The following SLC2A9 variants were observed in gnomAD, a reference collection of about 807,000 sequenced individuals.
The protein encoded by SLC2A9 is solute carrier family 2, facilitated glucose transporter member 9.
In SLC2A9, 39 loss-of-function variants were observed where a neutral mutation model predicts 50.6. The observed-to-expected ratio is 0.77, with a 90% CI of 0.60 to 1.01. SLC2A9 has a LOEUF of 1.01. Among genes scored for constraint, SLC2A9 ranks in the 50% least tolerant of loss-of-function variants. The probability of loss-of-function intolerance (pLI) is 0.00; values close to 1 mark genes in which losing one functional copy is unlikely to be tolerated. For synonymous variants in SLC2A9, 324 were observed against 276.9 expected (o/e 1.17, Z -1.69); for missense variants, 686 against 677.6 (o/e 1.01, Z -0.14).
chr4:10,035,851 G>A (rs1764089307), intron 1 of SLC2A9: 1 of 152,362 alleles, frequency 6.6e-6, no homozygotes, highest in Admixed American at 6.5e-5. Context: ...TCCTGCTCTT[G>A]AAGGTCAGAA....
At chr4:9,857,926 G>T (rs1560200229) in intron 10 of SLC2A9, among the ~76,000 whole-genome samples, 1 of 151,766 alleles carries the variant, frequency 6.6e-6, no homozygotes, top group Non-Finnish European at 1.5e-5. Context: ...AACTCCTATT[G>T]GTTTCTAATC....
chr4:9,964,090 T>C (rs1156511832), intron 5 of SLC2A9, among the ~76,000 whole-genome samples: 5 of 152,140 alleles, frequency 3.3e-5, no homozygotes, highest in Middle Eastern at 3.2e-3. Context: ...GAGTCAACAC[T>C]GAATATCGAG....
intron 7 of SLC2A9, among the ~76,000 whole-genome samples, chr4:9,915,093 G>A (rs529817376): frequency 6.6e-6 from 1 of 152,310 alleles, no homozygotes; most frequent in South Asian, 2.1e-4. Flanking sequence ...GCTCAGAGGG[G>A]TGAAGTGTCT....
chr4:9,996,529 C>A (rs899792301), intron 3 of SLC2A9, among the ~76,000 whole-genome samples: 1 of 152,212 alleles, frequency 6.6e-6, no homozygotes, highest in Admixed American at 6.5e-5. Context: ...GCTCCTCCCC[C>A]ATGTGGGTGC....
At position 9,783,352 on chromosome 4, in the gene SLC2A9, T is replaced by C. The variant is rs533730716; in HGVS notation, n.386-3287A>G. 5.3e-5 allele frequency: 85 copies of C among 1,614,228 alleles called. No individual in the cohort carries two copies. The South Asian group carries it at 9.3e-4, about 18-fold the overall frequency. On this transcript the variant is annotated intron_variant and non_coding_transcript_variant, in intron 3 of 3. Coordinates refer to the SLC2A9 transcript ENST00000503803. ...CTTTCGATCGCATGTTCCAGATCTA[T>C]CAGACGTCCCCAGATGGTGACCCTG...
Position 10,021,443 on chromosome 4 carries a change from C to T in SLC2A9, c.-14G>A. ...TTTCCTTGCCATGGGTCTCAGTGAC[C>T]CAGCTGATGGCTCAGTCCAGGGACC... On this transcript the variant is annotated 5_prime_UTR_variant, in exon 1 of 12. Coordinates refer to ENST00000264784, the MANE Select transcript of SLC2A9 (RefSeq NM_020041.3). 2 of 1,614,082 alleles carry T rather than the reference C, an allele frequency of 1.2e-6. No homozygotes were observed. Among genetic ancestry groups the T allele is most frequent in the Non-Finnish European group, 1.7e-6 (2 of 1,180,002 alleles).
chr4:9,912,111 A>C (rs562605625), intron 7 of SLC2A9, among the ~76,000 whole-genome samples: 167 of 152,120 alleles, frequency 1.1e-3, no homozygotes, highest in African/African-American at 3.9e-3. Context: ...GGACACAGGA[A>C]GGGGAATATC....
intron 3 of SLC2A9, among the ~76,000 whole-genome samples, chr4:9,786,773 A>T (rs1719271825): frequency 6.6e-6 from 1 of 152,232 alleles, no homozygotes; most frequent in African/African-American, 2.4e-5. Flanking sequence ...AGTGGTTCTT[A>T]AATGAGGGAA....
intron 5 of SLC2A9, among the ~76,000 whole-genome samples, chr4:9,966,645 G>A (rs1029751842): frequency 2.0e-5 from 3 of 152,146 alleles, no homozygotes; most frequent in Non-Finnish European, 4.4e-5. Flanking sequence ...GAGTAAGACT[G>A]TGTCGCTAAA....
chr4:9,965,816 A>G lies in SLC2A9; in HGVS notation c.681+14776T>C, dbSNP rs541896227. 4.6e-5 allele frequency among the ~76,000 whole-genome samples: 7 copies of G among 152,368 alleles called. No homozygotes were observed. In the South Asian group the frequency reaches 8.3e-4, roughly 18 times the overall value. On this transcript the variant is annotated intron_variant, in intron 5 of 11. Transcript: ENST00000264784. ...TAACAAATTTGAAAGTTTCGATGAC[A>G]TAAGTGACTTTATTGAAAAGACAGA... is the stretch of plus-strand genomic sequence containing the variant.
intron 6 of SLC2A9, among the ~76,000 whole-genome samples, chr4:9,935,927 G>A (rs1244718418): frequency 6.6e-6 from 1 of 152,142 alleles, no homozygotes; most frequent in Non-Finnish European, 1.5e-5. Context: ...ATGGGTTAAG[G>A]GATTTTTGGG....
At chr4:9,842,590 G>C (rs1241361582) in intron 10 of SLC2A9, among the ~76,000 whole-genome samples, 2 of 152,176 alleles carry the variant, frequency 1.3e-5, no homozygotes, top group Non-Finnish European at 2.9e-5. Flanking sequence ...ATGAAGTTGG[G>C]TCTTCTGACC....
intron 10 of SLC2A9, among the ~76,000 whole-genome samples, chr4:9,870,557 T>C (rs1338573003): frequency 6.6e-6 from 1 of 151,916 alleles, no homozygotes; most frequent in Non-Finnish European, 1.5e-5. Context: ...AGGGGAGAGG[T>C]TTTCTGGAGG....
intron 8 of SLC2A9, 36 bp downstream of exon 8, chr4:9,908,197 CCT>C (rs780600463): frequency 1.5e-6 from 2 of 1,371,674 alleles, no homozygotes; most frequent in South Asian, 1.2e-5. Flanking sequence ...TGTGTAACCC[CCT>C]GTGGCATTCT....
intron 6 of SLC2A9, among the ~76,000 whole-genome samples, chr4:9,929,808 G>C (rs955019965): frequency 1.3e-5 from 2 of 152,158 alleles, no homozygotes; most frequent in African/African-American, 4.8e-5. Context: ...TCATACTACA[G>C]ATGGGTGGTT....
intron 1 of SLC2A9, among the ~76,000 whole-genome samples, chr4:10,032,043 ACCTTGTGTCAGGC>A (rs1763954939): frequency 6.6e-6 from 1 of 152,212 alleles, no homozygotes; most frequent in Non-Finnish European, 1.5e-5. Flanking sequence ...TTGAGCACCT[ACCTTGTGTCAGGC>A]CCACCCTATT....
intron 2 of SLC2A9, among the ~76,000 whole-genome samples, chr4:10,002,864 A>G (rs200444110): frequency 1.4e-5 from 2 of 147,502 alleles, no homozygotes; most frequent in African/African-American, 5.1e-5. Context: ...AACAAAAAAA[A>G]AGAGTAAATA....
chr4:9,848,300 A>T (rs1298720377), intron 10 of SLC2A9, among the ~76,000 whole-genome samples: 1 of 151,896 alleles, frequency 6.6e-6, no homozygotes, highest in Non-Finnish European at 1.5e-5. Context: ...CCAACCAGGT[A>T]GCCAGCATAA....
At position 9,781,947 on chromosome 4, in the gene SLC2A9, T is replaced by G. The variant is rs927943382; in HGVS notation, n.386-1882A>C. The G allele has an allele frequency of 2.4e-6, 3 of 1,236,036 alleles. No homozygotes were observed. The African/African-American group carries it at 4.6e-5, about 19-fold the overall frequency. The allele number at this position is 1,236,036 out of a possible 1,614,324, so 76.6% of individuals were successfully genotyped here. The stretch of plus-strand genomic sequence containing the variant: ...GTCCCTTGGCTGAGGGGGCGCATCC[T>G]CGGGGTGCCCGATGGGGCTGCCTGG... On this transcript the variant is annotated intron_variant and non_coding_transcript_variant, in intron 3 of 3. Coordinates refer to the SLC2A9 transcript ENST00000503803.
Sources: allele counts gnomAD v4.1 joint callset (sites outside exome capture counted in the v4.1 genomes callset), GRCh38; gene constraint gnomAD v4.1.1; transcripts MANE v1.5; gene names NCBI Gene and HGNC (gene_info 2026-07-23, HGNC 2026-07-21).